Variants in PTPRZ1 observed in about 807,000 individuals in gnomAD.
PTPRZ1 encodes the protein protein tyrosine phosphatase receptor type Z1.
A neutral mutation model predicts 214.1 loss-of-function variants in PTPRZ1; 82 were observed. That is an observed-to-expected ratio of 0.38 (90% CI 0.32 to 0.46). The LOEUF (loss-of-function observed/expected upper bound fraction) is 0.46, where lower values mean the gene tolerates loss of function less well. Ranked by LOEUF, PTPRZ1 falls within the 20% of genes least tolerant of loss-of-function variation. The pLI, the probability that PTPRZ1 is intolerant of heterozygous loss-of-function variation, is 1.00. For synonymous variants in PTPRZ1, 945 were observed against 987.9 expected (o/e 0.96, Z 0.81); for missense variants, 2,603 against 2,748.7 (o/e 0.95, Z 1.19).
chr7:121,955,408 A>G (rs1001259176), intron 2 of PTPRZ1, among the ~76,000 whole-genome samples: 7 of 150,952 alleles, frequency 4.6e-5, no homozygotes, highest in African/African-American at 1.5e-4. Flanking sequence ...TTCCCAAACC[A>G]GGGGGTAATT....
intron 10 of PTPRZ1, among the ~76,000 whole-genome samples, chr7:121,998,844 C>T (rs1798228681): frequency 6.6e-6 from 1 of 152,120 alleles, no homozygotes; most frequent in Non-Finnish European, 1.5e-5. Context: ...GGAGCCTACT[C>T]ATTGAAACTT....
chr7:121,906,735 A>G (rs1795127741), intron 1 of PTPRZ1, among the ~76,000 whole-genome samples: 1 of 152,188 alleles, frequency 6.6e-6, no homozygotes, highest in African/African-American at 2.4e-5. Context: ...TGTTAAAGAC[A>G]TTCACTGGCT....
At chr7:121,934,435 C>T (rs1796012154) in intron 2 of PTPRZ1, among the ~76,000 whole-genome samples, 1 of 140,888 alleles carries the variant, frequency 7.1e-6, no homozygotes, top group Admixed American at 7.8e-5. Context: ...TTGCAGTGAG[C>T]CGAGATCGCG....
intron 13 of PTPRZ1, among the ~76,000 whole-genome samples, chr7:122,023,467 TTA>T (rs568304930): frequency 1.4e-5 from 2 of 140,320 alleles, no homozygotes; most frequent in African/African-American, 5.2e-5. Context: ...ACTTTGGGAT[TTA>T]TATATATATA....
At position 122,031,667 on chromosome 7, in the gene PTPRZ1, C is replaced by G. The variant is rs946376753; in HGVS notation, c.5166+108C>G. ...AAAGACAGTGCAACCATTTGCACTT[C>G]TAGTAAAAATATGAGTTCCATAATT... On this transcript the variant is annotated intron_variant, in intron 15 of 29. Coordinates refer to ENST00000393386, the MANE Select transcript of PTPRZ1 (RefSeq NM_002851.3). The G allele has an allele frequency of 1.2e-5, 8 of 687,740 alleles. No homozygotes were observed. In the African/African-American group the frequency reaches 1.5e-4, roughly 13 times the overall value. The allele number at this position is 687,740 out of a possible 1,614,324, so 42.6% of individuals were successfully genotyped here.
chr7:121,983,027 T>A (rs1797659804), intron 6 of PTPRZ1, among the ~76,000 whole-genome samples: 1 of 152,236 alleles, frequency 6.6e-6, no homozygotes, highest in Non-Finnish European at 1.5e-5. Context: ...TCCACCCACC[T>A]TGGCTTCTTT....
Position 121,881,156 on chromosome 7 carries a change from A to G in PTPRZ1, c.58+7599A>G, listed in dbSNP as rs1015439619. Among the ~76,000 whole-genome samples the G allele has an allele frequency of 5.9e-5, 9 of 152,174 alleles. 1 individual carries two copies. Among genetic ancestry groups the G allele is most frequent in the African/African-American group, 1.9e-4 (8 of 41,448 alleles). On this transcript the variant is annotated intron_variant, in intron 1 of 29. Coordinates refer to ENST00000393386, the MANE Select transcript of PTPRZ1 (RefSeq NM_002851.3). ...GGGTTTAGTGTCTGTATAAGAAGAG[A>G]AAAAGACCAGAATCCTCTCTCTATT... is the stretch of plus-strand genomic sequence containing the variant.
rs148898010 is a variant in PTPRZ1 at position 121,999,118 on chromosome 7, C to A, written c.1240+1112C>A. 1.0e-3 allele frequency among the ~76,000 whole-genome samples: 159 copies of A among 152,194 alleles called. 1 individual carries two copies. The Middle Eastern group carries it at 0.027, about 26-fold the overall frequency. ...AGTATGCATCATTCCAAACTACAGGCTACAAAACTTGCCAAGGTATCTCCC... is the reference window on the plus strand; with the variant it reads ...AGTATGCATCATTCCAAACTACAGGATACAAAACTTGCCAAGGTATCTCCC... On this transcript the variant is annotated intron_variant, in intron 10 of 29. Coordinates refer to ENST00000393386, the MANE Select transcript of PTPRZ1 (RefSeq NM_002851.3).
At chr7:122,057,979 C>CATATATATATATACATATATATATATAT (rs889083888) in intron 27 of PTPRZ1, among the ~76,000 whole-genome samples, 6 of 146,926 alleles carry the variant, frequency 4.1e-5, no homozygotes, top group African/African-American at 1.3e-4. Context: ...TATATATATA[C>CATATATATATATACATATATATATATAT]ATATATATAT....
At chr7:121,920,118 T>C (rs891282058) in intron 1 of PTPRZ1, among the ~76,000 whole-genome samples, 1 of 152,192 alleles carries the variant, frequency 6.6e-6, no homozygotes, top group African/African-American at 2.4e-5. Flanking sequence ...TTTTGTGCTT[T>C]TCACGGTAAA....
At chr7:121,946,538 G>C (rs1317465970) in intron 2 of PTPRZ1, among the ~76,000 whole-genome samples, 4 of 152,080 alleles carry the variant, frequency 2.6e-5, no homozygotes, top group Non-Finnish European at 4.4e-5. Context: ...AACAGTGGTA[G>C]TAATATTTTG....
chr7:121,920,595 G>A (rs1488896676), intron 1 of PTPRZ1, among the ~76,000 whole-genome samples: 2 of 151,816 alleles, frequency 1.3e-5, no homozygotes, highest in Admixed American at 6.6e-5. Context: ...ATAAAACTAG[G>A]TAACTATAAT....
chr7:121,896,922 C>G (rs982795463), intron 1 of PTPRZ1, among the ~76,000 whole-genome samples: 1 of 152,016 alleles, frequency 6.6e-6, no homozygotes, highest in Non-Finnish European at 1.5e-5. Context: ...TTTTTCATTG[C>G]TCCGTGCTTA....
intron 22 of PTPRZ1, among the ~76,000 whole-genome samples, chr7:122,043,413 A>T (rs942016635): frequency 5.3e-5 from 8 of 152,272 alleles, no homozygotes; most frequent in East Asian, 1.9e-4. Context: ...TTCATTTTTT[A>T]AAAAAATATG....
intron 1 of PTPRZ1, among the ~76,000 whole-genome samples, chr7:121,881,864 C>G (rs144660044): frequency 6.6e-6 from 1 of 152,114 alleles, no homozygotes; most frequent in Non-Finnish European, 1.5e-5. Context: ...CACATAATAT[C>G]GTTCATTTCA....
intron 27 of PTPRZ1, among the ~76,000 whole-genome samples, chr7:122,056,653 TTTATA>T (rs1438379467): frequency 1.3e-5 from 2 of 151,776 alleles, no homozygotes; most frequent in Non-Finnish European, 3.0e-5. Flanking sequence ...ATTTAAGATG[TTTATA>T]TTATATGTGC....
At chr7:121,993,584 A>C (rs1584721086) in intron 8 of PTPRZ1, among the ~76,000 whole-genome samples, 2 of 151,544 alleles carry the variant, frequency 1.3e-5, no homozygotes, top group East Asian at 1.9e-4. Context: ...AAAAAAAAAA[A>C]AAAAAAAAAA....
At chr7:121,983,616 A>G (rs199511325) in intron 6 of PTPRZ1, 49 bp from the exon 7 acceptor site, 1 of 1,521,600 alleles carries the variant, frequency 6.6e-7, no homozygotes, top group East Asian at 2.3e-5. Flanking sequence ...TTGAACAGCT[A>G]AGTTCCAGTG....
intron 13 of PTPRZ1, among the ~76,000 whole-genome samples, chr7:122,019,967 A>T (rs901053996): frequency 6.6e-6 from 1 of 152,198 alleles, no homozygotes; most frequent in African/African-American, 2.4e-5. Context: ...TGTCTGTTAG[A>T]AAACAAAGGC....
Sources: allele counts gnomAD v4.1 joint callset (sites outside exome capture counted in the v4.1 genomes callset), GRCh38; gene constraint gnomAD v4.1.1; transcripts MANE v1.5; gene names NCBI Gene and HGNC (gene_info 2026-07-23, HGNC 2026-07-21).